Variants in MORC3 observed in about 807,000 individuals in gnomAD.
The protein encoded by MORC3 is MORC family CW-type zinc finger protein 3.
Under a neutral mutation model 109.1 loss-of-function variants are expected in MORC3, and 31 were observed. The ratio of observed to expected loss-of-function variants is 0.28; its 90% CI spans 0.21 to 0.38. The LOEUF (loss-of-function observed/expected upper bound fraction) is 0.38. Ranked by LOEUF, MORC3 falls within the 10% of genes least tolerant of loss-of-function variation. MORC3 has a pLI of 1.00. For synonymous variants in MORC3, 395 were observed against 380.7 expected (o/e 1.04, Z -0.44); for missense variants, 867 against 1,135.8 (o/e 0.76, Z 3.40).
intron 12 of MORC3, chr21:36,360,559 T>A: frequency 5.1e-6 from 2 of 391,830 alleles, no homozygotes; most frequent in Non-Finnish European, 9.3e-6. Flanking sequence ...ATAGAGAAGG[T>A]GTAACAGAAG....
chr21:36,344,220 A>G (rs2085483410), intron 6 of MORC3, among the ~76,000 whole-genome samples: 1 of 152,000 alleles, frequency 6.6e-6, no homozygotes. Flanking sequence ...CTCCGCCTCC[A>G]TACTTGACAG....
chr21:36,320,324 G>C, intron 1 of MORC3, 21 bp downstream of exon 1: 1 of 1,499,348 alleles, frequency 6.7e-7, no homozygotes, highest in Non-Finnish European at 8.9e-7. Flanking sequence ...GCGAGGGGTG[G>C]AGCGGGCCGT....
chr21:36,336,613 G>GT lies in MORC3; in HGVS notation c.113-260dup, dbSNP rs533533733. On this transcript the variant is annotated intron_variant, in intron 2 of 16. Coordinates refer to ENST00000400485, the MANE Select transcript of MORC3 (RefSeq NM_015358.3). Reference sequence around the variant, plus strand: ...CCTTTGTACTTCTTTGGTGTGCTGGGTACCAGTCTTTGCTGTCTCTTTAAC... The same window carrying GT: ...CCTTTGTACTTCTTTGGTGTGCTGGGTTACCAGTCTTTGCTGTCTCTTTAAC... 2.5e-3 allele frequency among the ~76,000 whole-genome samples: 378 copies of GT among 152,260 alleles called. 4 individuals are homozygous for GT. The highest frequency in any genetic ancestry group is 0.022 in the Admixed American group (339 of 15,284).
chr21:36,362,608 C>G (rs1019518536), intron 13 of MORC3, among the ~76,000 whole-genome samples: 11 of 151,942 alleles, frequency 7.2e-5, no homozygotes, highest in South Asian at 4.2e-4. Flanking sequence ...AACTCCTGGC[C>G]TCAAGTAATC....
chr21:36,372,462 A>G lies in MORC3; in HGVS notation c.2597A>G (p.Gln866Arg). The change falls in exon 16 of 17, where the codon CAA becomes CGA. Residue 866 changes from glutamine to arginine, a missense_variant. Physicochemically the swap from Gln to Arg is conservative, Grantham distance 43. Coordinates refer to ENST00000400485, the MANE Select transcript of MORC3 (RefSeq NM_015358.3). ...TEVEQLKSTN[Q>R]QTATDVSTSS... ...GTAGAACAGTTAAAATCTACAAATC[A>G]ACAGACGGCAACAGATGTTTCAACA... 1 of 1,609,614 alleles carries G rather than the reference A, an allele frequency of 6.2e-7. No individual in the cohort carries two copies. The highest frequency in any genetic ancestry group is 2.2e-5 in the East Asian group (1 of 44,730).
At chr21:36,356,921 A>G (rs930344904) in intron 10 of MORC3, among the ~76,000 whole-genome samples, 197 bp downstream of exon 10, 4 of 152,220 alleles carry the variant, frequency 2.6e-5, no homozygotes, top group African/African-American at 9.6e-5. Flanking sequence ...CCATAAAACA[A>G]TGTTTACCCA....
chr21:36,332,740 G>T (rs2085330202), intron 1 of MORC3, among the ~76,000 whole-genome samples: 1 of 149,584 alleles, frequency 6.7e-6, no homozygotes, highest in South Asian at 2.1e-4. Flanking sequence ...ACTCGAGTAT[G>T]GAGGCATCCT....
chr21:36,326,236 T>C (rs1358992637), intron 1 of MORC3, among the ~76,000 whole-genome samples: 1 of 151,002 alleles, frequency 6.6e-6, no homozygotes, highest in East Asian at 1.9e-4. Flanking sequence ...AAATTATTGT[T>C]AATTTGGCCA....
chr21:36,349,067 C>T (rs1486914179), intron 8 of MORC3, among the ~76,000 whole-genome samples: 4 of 151,982 alleles, frequency 2.6e-5, no homozygotes, highest in African/African-American at 9.7e-5. Context: ...CAACGAGAGT[C>T]ACTTGAGCTT....
At chr21:36,321,529 A>G (rs900641599) in intron 1 of MORC3, among the ~76,000 whole-genome samples, 2 of 151,202 alleles carry the variant, frequency 1.3e-5, no homozygotes, top group East Asian at 1.9e-4. Context: ...AAAATAGAGG[A>G]CAATTTTATT....
intron 9 of MORC3, among the ~76,000 whole-genome samples, chr21:36,354,962 ATTTCCTCAACTGGCTATC>A (rs1199572402): frequency 1.3e-5 from 2 of 152,122 alleles, no homozygotes; most frequent in Non-Finnish European, 2.9e-5. Flanking sequence ...CTCTCTGATG[ATTTCCTCAACTGGCTATC>A]TTGTAAATAC....
In MORC3 at chr21:36,364,101, T is replaced by C. The variant is rs1393008442; in HGVS notation, c.1461T>C (p.Ala487=). 29 of 1,613,860 alleles carry C rather than the reference T, an allele frequency of 1.8e-5. No individual in the cohort carries two copies. The highest frequency in any genetic ancestry group is 2.3e-5 in the Non-Finnish European group (27 of 1,179,992). Residue 487 remains alanine (A), a synonymous_variant, in exon 14 of 17, where the codon GCT becomes GCC. Coordinates refer to ENST00000400485, the MANE Select transcript of MORC3 (RefSeq NM_015358.3). ...RQPEMIPRIN[A]ELLFRPTALS... is the part of the protein sequence containing the mutation. ...ATTTTTCCCTCCAACAGATTAATGC[T>C]GAACTGTTGTTTCGGCCAACTGCTC...
At chr21:36,349,741 AT>A (rs2085550009) in intron 9 of MORC3, among the ~76,000 whole-genome samples, 1 of 152,246 alleles carries the variant, frequency 6.6e-6, no homozygotes, top group South Asian at 2.1e-4. Flanking sequence ...GAAGTCAATA[AT>A]TTAAATAGGT....
rs2085415381 is a variant in MORC3, at chr21:36,339,513, A to AG, written c.608+592_608+593insG. ...CACCCCGTCTTCTCAAAAAAAAAAA[A>AG]AAAAAAAGAAAAAAGAAAAAAAGCA... On this transcript the variant is annotated intron_variant, in intron 5 of 16. Coordinates refer to ENST00000400485, the MANE Select transcript of MORC3 (RefSeq NM_015358.3). 1.4e-5 allele frequency: 2 copies of AG among 146,918 alleles called. 1 individual carries two copies. The highest frequency in any genetic ancestry group is 4.6e-4 in the East Asian group (2 of 4,324). 9.1% of individuals were successfully genotyped at this position (146,918 alleles called of 1,614,324 possible).
intron 14 of MORC3, among the ~76,000 whole-genome samples, chr21:36,368,522 C>T (rs1267235791): frequency 2.0e-5 from 3 of 152,168 alleles, no homozygotes; most frequent in South Asian, 4.1e-4. Flanking sequence ...TTCATTAAAT[C>T]AGTGATTGGT....
At chr21:36,346,013 T>C (rs1000347484) in intron 8 of MORC3, among the ~76,000 whole-genome samples, 7 of 151,978 alleles carry the variant, frequency 4.6e-5, no homozygotes, top group Non-Finnish European at 8.8e-5. Flanking sequence ...ATTTCTTTTA[T>C]TTATTTATTT....
rs1327535399 is a variant in MORC3, at chr21:36,375,302, A to G, written c.*6A>G. 2.0e-5 allele frequency: 32 copies of G among 1,599,384 alleles called. No individual in the cohort carries two copies. Among genetic ancestry groups the G allele is most frequent in the Non-Finnish European group, 2.6e-5 (31 of 1,171,140 alleles). On this transcript the variant is annotated 3_prime_UTR_variant, in exon 17 of 17. Transcript: ENST00000400485. Reference sequence around the variant, plus strand: ...GTGAAATCAGTAGTACTTAAAGTATATGTTATGTAAGATAAAATATTTGCT... The same window carrying G: ...GTGAAATCAGTAGTACTTAAAGTATGTGTTATGTAAGATAAAATATTTGCT...
At chr21:36,342,948 G>C (rs1378133638) in intron 6 of MORC3, among the ~76,000 whole-genome samples, 1 of 151,504 alleles carries the variant, frequency 6.6e-6, no homozygotes, top group Non-Finnish European at 1.5e-5. Flanking sequence ...GAACCCGGCA[G>C]GCAGAGGTTG....
intron 1 of MORC3, among the ~76,000 whole-genome samples, chr21:36,329,228 G>C (rs1354029281): frequency 6.6e-6 from 1 of 152,028 alleles, no homozygotes; most frequent in African/African-American, 2.4e-5. Flanking sequence ...CCGGGAGGCA[G>C]AGGTTGCAGT....
Sources: allele counts gnomAD v4.1 joint callset (sites outside exome capture counted in the v4.1 genomes callset), GRCh38; gene constraint gnomAD v4.1.1; transcripts MANE v1.5; gene names NCBI Gene and HGNC (gene_info 2026-07-23, HGNC 2026-07-21).